The following CPVL variants were observed in gnomAD, a reference collection of about 807,000 sequenced individuals.
The protein encoded by CPVL is carboxypeptidase vitellogenic like.
Under a neutral mutation model 63.7 loss-of-function variants are expected in CPVL, and 51 were observed. The observed-to-expected ratio is 0.80, with a 90% CI of 0.64 to 1.01. CPVL has a LOEUF of 1.01. Ranked by LOEUF, CPVL falls within the 50% of genes least tolerant of loss-of-function variation. CPVL has a pLI of 0.00. For synonymous variants in CPVL, 195 were observed against 206.0 expected (o/e 0.95, Z 0.46); for missense variants, 530 against 573.1 (o/e 0.92, Z 0.77).
chr7:29,135,103 C>CAA (rs56954460), intron 1 of CPVL, among the ~76,000 whole-genome samples: 5,054 of 121,214 alleles, frequency 0.042, 167 homozygotes, highest in Middle Eastern at 0.1. Flanking sequence ...GACCTTGCCT[C>CAA]AAAAAAAAAA....
upstream of CPVL, among the ~76,000 whole-genome samples, chr7:29,148,955 T>C (rs1402708973): frequency 1.3e-5 from 2 of 151,992 alleles, no homozygotes; most frequent in Non-Finnish European, 2.9e-5. Context: ...AAAAAATGAA[T>C]AGCCACTGAG....
intron 12 of CPVL, among the ~76,000 whole-genome samples, chr7:29,006,002 C>G (rs1307438369): frequency 6.6e-6 from 1 of 152,150 alleles, no homozygotes; most frequent in Non-Finnish European, 1.5e-5. Context: ...GGACTTAGAT[C>G]CTGACTCATC....
chr7:29,006,508 T>A (rs1785210767), intron 12 of CPVL, among the ~76,000 whole-genome samples: 1 of 152,206 alleles, frequency 6.6e-6, no homozygotes. Flanking sequence ...AGTTCTAGTA[T>A]AAGTGACAAT....
intron 3 of CPVL, among the ~76,000 whole-genome samples, chr7:29,099,632 A>T (rs911636642): frequency 5.3e-5 from 8 of 152,236 alleles, no homozygotes; most frequent in African/African-American, 1.9e-4. Context: ...GAATCACCTG[A>T]ACCTGGGAGG....
intron 12 of CPVL, among the ~76,000 whole-genome samples, chr7:29,017,905 G>C (rs1161270447): frequency 6.6e-6 from 1 of 152,222 alleles, no homozygotes; most frequent in Non-Finnish European, 1.5e-5. Flanking sequence ...CATGAAATGG[G>C]TAGGATACTT....
At chr7:29,058,381 C>A (rs1790951594) in intron 11 of CPVL, among the ~76,000 whole-genome samples, 1 of 152,030 alleles carries the variant, frequency 6.6e-6, no homozygotes, top group Admixed American at 6.6e-5. Flanking sequence ...TATCCTGCAA[C>A]CTTGTTATGA....
intron 3 of CPVL, among the ~76,000 whole-genome samples, chr7:29,097,541 A>C (rs137994281): frequency 0.014 from 2,047 of 151,290 alleles, 23 homozygotes; most frequent in Admixed American, 0.025. Context: ...CTAAAAATAC[A>C]AAAAATTAGC....
Position 29,070,130 on chromosome 7 carries a change from A to G in CPVL, c.864+1643T>C, listed in dbSNP as rs996344729. On this transcript the variant is annotated intron_variant, in intron 9 of 12. Coordinates refer to ENST00000265394, the MANE Select transcript of CPVL (RefSeq NM_031311.5). The stretch of plus-strand genomic sequence containing the variant: ...ATTCATCACTCAAGATACGGGACCA[A>G]TGGTCAAAAAGACATTCCAAGCCTT... Among the ~76,000 whole-genome samples the G allele has an allele frequency of 4.6e-5, 7 of 152,334 alleles. No individual in the cohort carries two copies. The South Asian group carries it at 6.2e-4, about 14-fold the overall frequency.
At chr7:29,073,820 T>C (rs1458889901) in intron 7 of CPVL, among the ~76,000 whole-genome samples, 1 of 152,252 alleles carries the variant, frequency 6.6e-6, no homozygotes, top group Non-Finnish European at 1.5e-5. Context: ...CCACTATGAC[T>C]GATGCGTATA....
intron 7 of CPVL, among the ~76,000 whole-genome samples, chr7:29,086,112 T>G (rs370310160): frequency 6.6e-6 from 1 of 151,986 alleles, no homozygotes; most frequent in Non-Finnish European, 1.5e-5. Flanking sequence ...GCCAACATGG[T>G]GAAACCCCAT....
At chr7:29,182,922 A>G (rs1379264163) in intron 4 of CPVL, among the ~76,000 whole-genome samples, 1 of 152,196 alleles carries the variant, frequency 6.6e-6, no homozygotes, top group Non-Finnish European at 1.5e-5. Context: ...CAGAACAAAG[A>G]TAAACACTCA....
At chr7:29,000,464 A>T (rs1467964925) in intron 12 of CPVL, among the ~76,000 whole-genome samples, 1 of 151,980 alleles carries the variant, frequency 6.6e-6, no homozygotes, top group Non-Finnish European at 1.5e-5. Context: ...GGGGCATGAA[A>T]CTGTGGGCAC....
At chr7:29,101,587 T>G (rs1787134815) in intron 3 of CPVL, among the ~76,000 whole-genome samples, 2 of 152,130 alleles carry the variant, frequency 1.3e-5, no homozygotes, top group African/African-American at 4.8e-5. Flanking sequence ...AGAGCGAGAC[T>G]CCGTCTCAAA....
intron 5 of CPVL, among the ~76,000 whole-genome samples, chr7:29,178,480 CT>C: frequency 6.6e-6 from 1 of 152,268 alleles, no homozygotes; most frequent in South Asian, 2.1e-4. Context: ...TTTAAATCTG[CT>C]GTTCCCTCCT....
chr7:29,030,039 G>A (rs1003991661), intron 12 of CPVL, among the ~76,000 whole-genome samples: 11 of 152,152 alleles, frequency 7.2e-5, no homozygotes, highest in Non-Finnish European at 1.2e-4. Flanking sequence ...AACAGAAAGA[G>A]GAAACACTTC....
chr7:29,023,406 C>G (rs564965281), intron 12 of CPVL, among the ~76,000 whole-genome samples: 1 of 152,288 alleles, frequency 6.6e-6, no homozygotes, highest in Admixed American at 6.5e-5. Context: ...GACTTACTCA[C>G]TATCACGAGA....
At chr7:29,037,549 T>A in intron 11 of CPVL, among the ~76,000 whole-genome samples, 1 of 64,448 alleles carries the variant, frequency 1.6e-5, no homozygotes, top group Admixed American at 2.2e-4. Flanking sequence ...TGAGACTCCA[T>A]CTCAAAAAAA....
chr7:29,003,909 C>T (rs866533166), intron 12 of CPVL, among the ~76,000 whole-genome samples: 5 of 152,122 alleles, frequency 3.3e-5, no homozygotes, highest in Non-Finnish European at 7.4e-5. Flanking sequence ...TGACAGGAGG[C>T]GGAGCTCAGA....
At chr7:29,120,840 A>G in intron 2 of CPVL, 53 bp downstream of exon 2, 4 of 1,254,260 alleles carry the variant, frequency 3.2e-6, no homozygotes, top group African/African-American at 1.5e-5. Context: ...AAAAAAAAAG[A>G]GAAACTGTTG....
Sources: allele counts gnomAD v4.1 joint callset (sites outside exome capture counted in the v4.1 genomes callset), GRCh38; gene constraint gnomAD v4.1.1; transcripts MANE v1.5; gene names NCBI Gene and HGNC (gene_info 2026-07-23, HGNC 2026-07-21).